Variants in PDE10A observed in about 807,000 individuals in gnomAD.
The protein encoded by PDE10A is cAMP and cAMP-inhibited cGMP 3',5'-cyclic phosphodiesterase 10A.
In PDE10A, 39 loss-of-function variants were observed where a neutral mutation model predicts 97.7. The observed-to-expected ratio is 0.40, with a 90% confidence interval of 0.31 to 0.52. The LOEUF is 0.52. PDE10A is among the 20% of genes least tolerant of loss of function. The pLI is 0.56. For missense variants in PDE10A, 731 were observed against 1,047.8 expected (o/e 0.70, Z 4.17); for synonymous variants, 371 against 376.8 (o/e 0.98, Z 0.18).
chr6:165,912,203 C>T (rs1162383820), intron 1 of PDE10A, among the ~76,000 whole-genome samples: 2 of 151,384 alleles, frequency 1.3e-5, no homozygotes, highest in East Asian at 1.9e-4. Context: ...ATCATCTATC[C>T]ATCTATTGAT....
At chr6:165,533,278 G>C (rs1050052486) in intron 2 of PDE10A, among the ~76,000 whole-genome samples, 1 of 152,112 alleles carries the variant, frequency 6.6e-6, no homozygotes. Context: ...TCTGAGAAAC[G>C]CATTGTTGTA....
At chr6:165,643,526 T>G (rs1365271744) in intron 1 of PDE10A, among the ~76,000 whole-genome samples, 1 of 152,206 alleles carries the variant, frequency 6.6e-6, no homozygotes, top group African/African-American at 2.4e-5. Context: ...AAGAAAGGGC[T>G]ATCCCTTTCT....
intron 12 of PDE10A, 101 bp from the exon 13 acceptor site, chr6:165,413,788 A>G: frequency 1.2e-6 from 1 of 848,796 alleles, no homozygotes; most frequent in Non-Finnish European, 1.9e-6. Context: ...TGCAATTTAC[A>G]TATGCTTCTA....
chr6:165,634,562 T>C (rs977733147), intron 1 of PDE10A, among the ~76,000 whole-genome samples: 2 of 151,924 alleles, frequency 1.3e-5, no homozygotes, highest in Non-Finnish European at 2.9e-5. Context: ...TAGCATGCAT[T>C]AAACTGAAAT....
intron 1 of PDE10A, among the ~76,000 whole-genome samples, chr6:165,871,717 C>T (rs1781209132): frequency 6.6e-6 from 1 of 152,044 alleles, no homozygotes; most frequent in Non-Finnish European, 1.5e-5. Flanking sequence ...GGAAGAGCAC[C>T]CAAAGGCAGA....
At chr6:165,796,571 G>A (rs1778839436) in intron 1 of PDE10A, among the ~76,000 whole-genome samples, 1 of 152,170 alleles carries the variant, frequency 6.6e-6, no homozygotes, top group Non-Finnish European at 1.5e-5. Context: ...GCATCAGTTA[G>A]GGAATTACCA....
chr6:165,481,004 G>A (rs766485810), intron 3 of PDE10A, among the ~76,000 whole-genome samples: 2 of 152,074 alleles, frequency 1.3e-5, no homozygotes, highest in African/African-American at 2.4e-5. Context: ...GAATAATAGC[G>A]AAGAAAAATC....
chr6:165,351,431 T>TA (rs1008033395), intron 18 of PDE10A, among the ~76,000 whole-genome samples: 4 of 152,050 alleles, frequency 2.6e-5, no homozygotes, highest in East Asian at 3.9e-4. Context: ...TGAAATTTTT[T>TA]AAAAAAAATT....
chr6:165,366,975 G>A (rs946977514), intron 18 of PDE10A, among the ~76,000 whole-genome samples: 2 of 152,104 alleles, frequency 1.3e-5, no homozygotes, highest in Admixed American at 6.6e-5. Flanking sequence ...TACTAGCCAT[G>A]TAAAGAAACT....
chr6:165,888,256 C>T (rs1048771377), intron 1 of PDE10A, among the ~76,000 whole-genome samples: 3 of 151,874 alleles, frequency 2.0e-5, no homozygotes, highest in Non-Finnish European at 4.4e-5. Context: ...ACCTTCCAAT[C>T]TTCCATTTGA....
At chr6:165,674,538 G>A (rs1349544100) in intron 1 of PDE10A, among the ~76,000 whole-genome samples, 1 of 152,162 alleles carries the variant, frequency 6.6e-6, no homozygotes, top group Non-Finnish European at 1.5e-5. Context: ...TAGAGCAAAT[G>A]CCCGCCAACG....
At chr6:165,900,597 A>G (rs1291738752) in intron 1 of PDE10A, among the ~76,000 whole-genome samples, 1 of 151,810 alleles carries the variant, frequency 6.6e-6, no homozygotes, top group Non-Finnish European at 1.5e-5. Context: ...TCCAACCCCC[A>G]TGTGTATATA....
intron 1 of PDE10A, among the ~76,000 whole-genome samples, chr6:165,753,793 C>G (rs1303253735): frequency 1.3e-5 from 2 of 152,182 alleles, no homozygotes; most frequent in Non-Finnish European, 2.9e-5. Context: ...AATGGTTACA[C>G]ACATTTTTTT....
intron 2 of PDE10A, among the ~76,000 whole-genome samples, chr6:165,538,874 T>C (rs1783254971): frequency 6.6e-6 from 1 of 152,226 alleles, no homozygotes; most frequent in Non-Finnish European, 1.5e-5. Context: ...CATTTAGTAA[T>C]CTGAGTCTTG....
Position 165,862,190 on chromosome 6 carries a change from A to T in PDE10A, c.-615+125339T>A, listed in dbSNP as rs529221733. Among the ~76,000 whole-genome samples the T allele has an allele frequency of 3.3e-5, 5 of 152,344 alleles. No homozygotes were observed. The South Asian group carries it at 1.0e-3, about 32-fold the overall frequency. The stretch of plus-strand genomic sequence containing the variant: ...TATTAACTGAGATACATGATTTCAC[A>T]TCATAAAAATTTCCCTAAAGCATGT... On this transcript the variant is annotated intron_variant, in intron 1 of 19. Coordinates refer to the PDE10A transcript ENST00000366882.
intron 1 of PDE10A, among the ~76,000 whole-genome samples, chr6:165,871,314 TA>T (rs1307084814): frequency 6.6e-6 from 1 of 152,168 alleles, no homozygotes; most frequent in African/African-American, 2.4e-5. Context: ...TTTATACAAA[TA>T]AAAAATGTGT....
Position 165,332,901 on chromosome 6 carries a change from G to T in PDE10A, c.*124C>A. On this transcript the variant is annotated 3_prime_UTR_variant, in exon 22 of 22. Coordinates refer to ENST00000539869, the MANE Select transcript of PDE10A (RefSeq NM_001385079.1). ...CTTATTTATTTGATGTTACCTTCTT[G>T]AAGAGGTTTGCACCCCAGTTACCAG... is the stretch of plus-strand genomic sequence containing the variant. 1 of 685,432 alleles carries T rather than the reference G, an allele frequency of 1.5e-6. No homozygotes were observed. The highest frequency in any genetic ancestry group is 2.6e-6 in the Non-Finnish European group (1 of 379,108). 42.5% of individuals were successfully genotyped at this position (685,432 alleles called of 1,614,324 possible).
At chr6:165,475,403 G>T (rs1446253935) in intron 3 of PDE10A, among the ~76,000 whole-genome samples, 1 of 152,120 alleles carries the variant, frequency 6.6e-6, no homozygotes, top group African/African-American at 2.4e-5. Flanking sequence ...ATTCTCATAT[G>T]AAATAAACAA....
chr6:165,365,676 T>C (rs1469709761), intron 18 of PDE10A, among the ~76,000 whole-genome samples: 4 of 152,142 alleles, frequency 2.6e-5, no homozygotes, highest in Non-Finnish European at 5.9e-5. Flanking sequence ...GCTGTGGTTG[T>C]GCCACTGTAC....
Sources: allele counts gnomAD v4.1 joint callset (sites outside exome capture counted in the v4.1 genomes callset), GRCh38; gene constraint gnomAD v4.1.1; transcripts MANE v1.5; gene names NCBI Gene and HGNC (gene_info 2026-07-23, HGNC 2026-07-21).